Variants in KIF26B observed in about 807,000 individuals in gnomAD.
The protein encoded by KIF26B is kinesin-like protein KIF26B.
Under a neutral mutation model 151.2 loss-of-function variants are expected in KIF26B, and 63 were observed. That is an observed-to-expected ratio of 0.42 (90% CI 0.34 to 0.51). The LOEUF is 0.51. Ranked by LOEUF, KIF26B falls within the 20% of genes least tolerant of loss-of-function variation. The probability of loss-of-function intolerance (pLI) is 0.07; values close to 1 mark genes in which losing one functional copy is unlikely to be tolerated. For synonymous variants in KIF26B, 1,357 were observed against 1,262.1 expected (o/e 1.08, Z -1.59); for missense variants, 2,813 against 2,913.6 (o/e 0.97, Z 0.79).
chr1:245,424,478 A>G (rs1380361332), intron 4 of KIF26B, among the ~76,000 whole-genome samples: 7 of 152,218 alleles, frequency 4.6e-5, no homozygotes, highest in Non-Finnish European at 1.0e-4. Context: ...ATGTTTTGAA[A>G]TATGTACATA....
At chr1:245,541,247 G>A (rs950425672) in intron 5 of KIF26B, among the ~76,000 whole-genome samples, 3 of 152,112 alleles carry the variant, frequency 2.0e-5, no homozygotes, top group African/African-American at 7.2e-5. Flanking sequence ...ACAAAATATC[G>A]AGGCAGGGGC....
intron 4 of KIF26B, among the ~76,000 whole-genome samples, chr1:245,522,149 G>T (rs560348983): frequency 2.0e-5 from 3 of 152,122 alleles, no homozygotes; most frequent in Non-Finnish European, 4.4e-5. Flanking sequence ...GATTACAGGT[G>T]TGAGCCACCG....
At position 245,426,442 on chromosome 1, in the gene KIF26B, C is replaced by T. The variant is rs533057035; in HGVS notation, c.1166+6697C>T. Among the ~76,000 whole-genome samples the T allele has an allele frequency of 2.0e-5, 3 of 152,298 alleles. No homozygotes were observed. In the South Asian group the frequency reaches 6.2e-4, roughly 32 times the overall value. On this transcript the variant is annotated intron_variant, in intron 4 of 14. Transcript: ENST00000407071. Reference sequence around the variant, plus strand: ...GTCCCTCACTTTCTCCCACTGACTCCTCTAACTCCTTGCCGTCGGCCCAAA... The same window carrying T: ...GTCCCTCACTTTCTCCCACTGACTCTTCTAACTCCTTGCCGTCGGCCCAAA...
chr1:245,648,709 G>A (rs1015054499), intron 10 of KIF26B, among the ~76,000 whole-genome samples: 1 of 152,128 alleles, frequency 6.6e-6, no homozygotes, highest in Non-Finnish European at 1.5e-5. Context: ...TAACATGCTG[G>A]CCCTACCAAC....
chr1:245,394,347 G>A (rs978346162), intron 3 of KIF26B, among the ~76,000 whole-genome samples: 3 of 152,174 alleles, frequency 2.0e-5, no homozygotes, highest in African/African-American at 7.2e-5. Context: ...AGCAGGCTGC[G>A]TGCCGTGACT....
chr1:245,498,376 A>T (rs1660552970), intron 4 of KIF26B, among the ~76,000 whole-genome samples: 1 of 152,048 alleles, frequency 6.6e-6, no homozygotes, highest in Non-Finnish European at 1.5e-5. Context: ...GTTATCATTG[A>T]CTCCGCCAGC....
Position 245,211,867 on chromosome 1 carries a change from T to C in KIF26B, c.465+55184T>C, listed in dbSNP as rs145115901. On this transcript the variant is annotated intron_variant, in intron 2 of 14. Transcript: ENST00000407071. ...GTTTCTTAGAAAGTGCAGAGTCTGC[T>C]TGCTGGCACCGCACCGTATCAAATG... Among the ~76,000 whole-genome samples the C allele has an allele frequency of 5.9e-5, 9 of 152,362 alleles. No homozygotes were observed. In the East Asian group the frequency reaches 1.4e-3, roughly 23 times the overall value.
chr1:245,506,552 T>G, intron 4 of KIF26B, among the ~76,000 whole-genome samples: 1 of 152,258 alleles, frequency 6.6e-6, no homozygotes, highest in East Asian at 1.9e-4. Flanking sequence ...TTTGTTATTC[T>G]GCTTGTTTGT....
chr1:245,276,385 CTT>C (rs1423082870), intron 2 of KIF26B, among the ~76,000 whole-genome samples: 1 of 152,132 alleles, frequency 6.6e-6, no homozygotes, highest in Non-Finnish European at 1.5e-5. Context: ...TGCTCCAACT[CTT>C]TTCCTCCCCA....
intron 2 of KIF26B, among the ~76,000 whole-genome samples, chr1:245,361,678 C>T (rs1457141211): frequency 3.3e-5 from 5 of 152,210 alleles, no homozygotes; most frequent in Admixed American, 6.5e-5. Context: ...CCTGCGATCT[C>T]AGGGCATGGC....
chr1:245,314,074 C>T (rs777239833), intron 2 of KIF26B, among the ~76,000 whole-genome samples: 14 of 152,214 alleles, frequency 9.2e-5, no homozygotes, highest in Non-Finnish European at 1.2e-4. Context: ...AGGAGGCCTG[C>T]TCTTGTATGT....
chr1:245,287,492 C>CTTTTTTTTTT (rs1217976453), intron 2 of KIF26B, among the ~76,000 whole-genome samples: 2 of 136,550 alleles, frequency 1.5e-5, no homozygotes, highest in Admixed American at 7.4e-5. Flanking sequence ...TCTCATCTCT[C>CTTTTTTTTTT]TCTCTCTTTT....
intron 2 of KIF26B, 71 bp downstream of exon 2, chr1:245,156,754 C>T (rs1668444145): frequency 9.9e-7 from 1 of 1,014,312 alleles, no homozygotes; most frequent in Non-Finnish European, 1.3e-6. Flanking sequence ...ACAGCAGCTG[C>T]TCAGCCCGCC....
At position 245,170,596 on chromosome 1, in the gene KIF26B, C is replaced by G. The variant is rs1668692727; in HGVS notation, c.465+13913C>G. On this transcript the variant is annotated intron_variant, in intron 2 of 14. Transcript: ENST00000407071. This position sits in a 1 kb window ranked among gnomAD's most constrained non-coding sequence, Gnocchi z 4.4. ...GGCTGGGAATTCTGAGATCAAGGCCCCATCAGATTGAGTGTCTTGTGAGGT... is the reference window on the plus strand; with the variant it reads ...GGCTGGGAATTCTGAGATCAAGGCCGCATCAGATTGAGTGTCTTGTGAGGT... Among the ~76,000 whole-genome samples, 1 of 152,164 alleles carries G rather than the reference C, an allele frequency of 6.6e-6. No individual in the cohort carries two copies.
In KIF26B at chr1:245,564,075, C is replaced by T. The variant is rs910842409; in HGVS notation, c.1350+23125C>T. ...AGGTCACGCTGAGCTCGACACAGTC[C>T]AATCCCAAGTACCAGTCAGGCTCCC... is the stretch of plus-strand genomic sequence containing the variant. On this transcript the variant is annotated intron_variant, in intron 5 of 14. Transcript: ENST00000407071. This position sits in a 1 kb window ranked among gnomAD's most constrained non-coding sequence, Gnocchi z 4.6. Among the ~76,000 whole-genome samples the T allele has an allele frequency of 1.3e-5, 2 of 152,176 alleles. No homozygotes were observed. Among genetic ancestry groups the T allele is most frequent in the Non-Finnish European group, 2.9e-5 (2 of 68,034 alleles).
chr1:245,414,310 C>T (rs1674364937), intron 3 of KIF26B, among the ~76,000 whole-genome samples: 1 of 152,216 alleles, frequency 6.6e-6, no homozygotes, highest in Admixed American at 6.5e-5. Flanking sequence ...ATTCCAAAGC[C>T]AAGAGGAAAA....
At chr1:245,680,656 C>T (rs773039413) in intron 10 of KIF26B, among the ~76,000 whole-genome samples, 60 of 152,156 alleles carry the variant, frequency 3.9e-4, no homozygotes, top group Non-Finnish European at 7.5e-4. Context: ...GTTAACAAGA[C>T]GACGGGGAAC....
intron 12 of KIF26B, among the ~76,000 whole-genome samples, chr1:245,690,526 C>T (rs1210579502): frequency 6.6e-6 from 1 of 152,222 alleles, no homozygotes; most frequent in African/African-American, 2.4e-5. Context: ...AATGTAAGGG[C>T]TGTGGTCAGT....
intron 10 of KIF26B, among the ~76,000 whole-genome samples, chr1:245,664,877 C>CCTATATATTT (rs1423607959): frequency 6.6e-6 from 1 of 152,122 alleles, no homozygotes; most frequent in Non-Finnish European, 1.5e-5. Context: ...AACTGCCTTA[C>CCTATATATTT]CTATATATTT....
Sources: gnomAD v4.1 joint callset for allele counts (sites outside exome capture counted in the v4.1 genomes callset) on GRCh38, gnomAD v4.1.1 for gene constraint, Gnocchi (gnomAD v3.1) non-coding constraint, MANE v1.5 for transcripts, NCBI Gene and HGNC (gene_info 2026-07-23, HGNC 2026-07-21) for gene names.